The following PNKD variants were observed in gnomAD, a reference collection of about 807,000 sequenced individuals.
PNKD encodes the protein probable thioesterase PNKD.
PNKD carries 36 observed loss-of-function variants against 45.3 expected under a neutral mutation model. That is an observed-to-expected ratio of 0.80 (90% CI 0.61 to 1.05). The LOEUF (loss-of-function observed/expected upper bound fraction) is 1.05. Among genes scored for constraint, PNKD ranks in the 50% least tolerant of loss-of-function variants. The pLI, the probability that PNKD is intolerant of heterozygous loss-of-function variation, is 0.00. For synonymous variants in PNKD, 197 were observed against 210.1 expected, an observed-to-expected ratio of 0.94 and a Z score of 0.54; for missense variants, 511 against 506.6, an observed-to-expected ratio of 1.01 and a Z score of -0.08.
Position 218,271,512 on chromosome 2 carries a change from AG to A in PNKD, c.203del (p.Gly68AlafsTer5). 6.2e-7 allele frequency: 1 copy of A among 1,614,156 alleles called. No individual in the cohort carries two copies. Among genetic ancestry groups the A allele is most frequent in the Non-Finnish European group, 8.5e-7 (1 of 1,180,020 alleles). Reference sequence around the variant, plus strand: ...GGAGCTGGAATACATTCCCAGAAAGAGGGGCAAGAACCCCATGAAAGCTGTG... The same window carrying A: ...GGAGCTGGAATACATTCCCAGAAAGAGGGCAAGAACCCCATGAAAGCTGTG... ...SPELEYIPRKRGKNPMKAVGL... is the reference protein window; with the variant it reads ...SPELEYIPRKXGKNPMKAVGL... On this transcript the variant is annotated frameshift_variant, in exon 2 of 10. Transcript: ENST00000273077. LOFTEE classifies it high-confidence loss of function.
chr2:218,302,874 A>T (rs909631228), intron 2 of PNKD, among the ~76,000 whole-genome samples: 2 of 151,882 alleles, frequency 1.3e-5, no homozygotes, highest in South Asian at 2.1e-4. Context: ...AGATTTAAAA[A>T]TTTTCTGATT....
chr2:218,309,184 G>C (rs1693518894), intron 2 of PNKD, among the ~76,000 whole-genome samples: 1 of 151,960 alleles, frequency 6.6e-6, no homozygotes, highest in African/African-American at 2.4e-5. Flanking sequence ...ATTTTTCGTA[G>C]AAATGGGGTT....
intron 2 of PNKD, chr2:218,275,219 C>T (rs182481983): frequency 8.0e-6 from 3 of 373,444 alleles, no homozygotes; most frequent in Admixed American, 4.5e-5. Context: ...CAGTAGGTGG[C>T]GGGGAGAAGA....
chr2:218,341,237 C>T (rs1410475485), intron 5 of PNKD, among the ~76,000 whole-genome samples: 1 of 152,168 alleles, frequency 6.6e-6, no homozygotes, highest in Non-Finnish European at 1.5e-5. Context: ...ACAGTTGGCA[C>T]AGGGAACAGG....
At position 218,322,540 on chromosome 2, in the gene PNKD, C is replaced by A. The variant is rs116242829; in HGVS notation, c.237-17243C>A. Among the ~76,000 whole-genome samples, 687 of 152,312 alleles carry A rather than the reference C, an allele frequency of 4.5e-3. 7 individuals are homozygous for A. The highest frequency in any genetic ancestry group is 0.015 in the African/African-American group (640 of 41,570). On this transcript the variant is annotated intron_variant, in intron 2 of 9. Coordinates refer to ENST00000273077, the MANE Select transcript of PNKD (RefSeq NM_015488.5). ...TGTTGCTCCTCCAGAGCTTGTGTGGCCTCTTCCTATCCTTCAGGGCAGGAC... is the reference window on the plus strand; with the variant it reads ...TGTTGCTCCTCCAGAGCTTGTGTGGACTCTTCCTATCCTTCAGGGCAGGAC...
At position 218,271,528 on chromosome 2, in the gene PNKD, T is replaced by C; in HGVS notation, c.215T>C (p.Met72Thr). Residue 72 changes from methionine to threonine, a missense_variant, in exon 2 of 10, where the codon ATG (methionine) becomes ACG (threonine). Coordinates refer to ENST00000273077, the MANE Select transcript of PNKD (RefSeq NM_015488.5). ...CCCAGAAAGAGGGGCAAGAACCCCA[T>C]GAAAGCTGTGGGACTGGCCTGGTGA... ...YIPRKRGKNPMKAVGLAWYSL... is the reference protein window; with the variant it reads ...YIPRKRGKNPTKAVGLAWYSL... 1.2e-6 allele frequency: 2 copies of C among 1,614,178 alleles called. No homozygotes were observed. Among genetic ancestry groups the C allele is most frequent in the South Asian group, 1.1e-5 (1 of 91,088 alleles).
At chr2:218,324,322 A>T (rs1224810530) in intron 2 of PNKD, among the ~76,000 whole-genome samples, 1 of 152,214 alleles carries the variant, frequency 6.6e-6, no homozygotes, top group African/African-American at 2.4e-5. Flanking sequence ...AGCCCTGGCC[A>T]CAGGCCAGGT....
Position 218,319,943 on chromosome 2 carries a change from T to G in PNKD, c.237-19840T>G, listed in dbSNP as rs187314541. Among the ~76,000 whole-genome samples the G allele has an allele frequency of 2.1e-3, 318 of 152,344 alleles. 3 individuals carry two copies. The highest frequency in any genetic ancestry group is 7.1e-3 in the African/African-American group (295 of 41,590). On this transcript the variant is annotated intron_variant, in intron 2 of 9. Coordinates refer to ENST00000273077, the MANE Select transcript of PNKD (RefSeq NM_015488.5). ...AGAAGCTGCCTCCAATTCAGAGAACTGGGGAAGGAATGTTCCAAGGGGAGA... is the reference window on the plus strand; with the variant it reads ...AGAAGCTGCCTCCAATTCAGAGAACGGGGGAAGGAATGTTCCAAGGGGAGA...
At chr2:218,334,440 A>T (rs1326651332) in intron 2 of PNKD, among the ~76,000 whole-genome samples, 1 of 152,134 alleles carries the variant, frequency 6.6e-6, no homozygotes, top group Non-Finnish European at 1.5e-5. Context: ...TTTGAAGAGT[A>T]GAGCCTGGGC....
intron 2 of PNKD, among the ~76,000 whole-genome samples, chr2:218,338,159 C>T (rs1191966612): frequency 6.7e-6 from 1 of 148,342 alleles, no homozygotes; most frequent in Admixed American, 6.8e-5. Flanking sequence ...AACAAACAAA[C>T]AAACAAAAAT....
intron 2 of PNKD, among the ~76,000 whole-genome samples, chr2:218,284,644 C>T (rs1388677605): frequency 1.3e-5 from 2 of 152,210 alleles, no homozygotes; most frequent in Non-Finnish European, 2.9e-5. Flanking sequence ...GTTTCCAGGC[C>T]AGTCCTTCGG....
chr2:218,328,866 T>G (rs2106281407), intron 2 of PNKD, among the ~76,000 whole-genome samples: 1 of 151,878 alleles, frequency 6.6e-6, no homozygotes, highest in East Asian at 1.9e-4. Context: ...TTGCTTGTAC[T>G]GGAGTTAGGT....
At chr2:218,270,769 T>C in intron 1 of PNKD, 167 bp downstream of exon 1, 1 of 413,738 alleles carries the variant, frequency 2.4e-6, no homozygotes, top group Non-Finnish European at 4.4e-6. Context: ...ACCCAGTGCA[T>C]CCCCCCGCCT....
intron 2 of PNKD, among the ~76,000 whole-genome samples, chr2:218,330,320 A>G (rs1292921862): frequency 1.3e-5 from 2 of 152,126 alleles, no homozygotes; most frequent in African/African-American, 4.8e-5. Context: ...AAATGGCCCC[A>G]CGGAGGAGAG....
intron 2 of PNKD, among the ~76,000 whole-genome samples, chr2:218,300,330 C>T (rs1693242501): frequency 1.3e-5 from 2 of 152,126 alleles, no homozygotes; most frequent in Non-Finnish European, 2.9e-5. Context: ...CCCTTCTGAA[C>T]TCCCACACCT....
At chr2:218,322,738 T>C (rs1049718253) in intron 2 of PNKD, among the ~76,000 whole-genome samples, 7 of 152,198 alleles carry the variant, frequency 4.6e-5, no homozygotes, top group African/African-American at 1.4e-4. Flanking sequence ...CTCACTAGAT[T>C]CCGGACTGTG....
Position 218,278,715 on chromosome 2 carries a change from C to A in PNKD, c.236+7166C>A, listed in dbSNP as rs1366104051. 1.0e-5 allele frequency: 9 copies of A among 873,638 alleles called. No individual in the cohort carries two copies. The Admixed American group carries it at 1.3e-4, about 12-fold the overall frequency. The allele number at this position is 873,638 out of a possible 1,614,324, so 54.1% of individuals were successfully genotyped here. ...AAGCAAGAACGAGATTACCCCCAGC[C>A]AGGGTCACTGAGATGCTCTGAAGCA... On this transcript the variant is annotated intron_variant, in intron 2 of 9. Transcript: ENST00000273077.
intron 2 of PNKD, among the ~76,000 whole-genome samples, chr2:218,315,933 TG>T (rs1208904171): frequency 7.9e-5 from 12 of 152,356 alleles, no homozygotes; most frequent in African/African-American, 2.2e-4. Context: ...CATGCATCTG[TG>T]GGCAGGCTGA....
At chr2:218,282,261 T>A in intron 2 of PNKD, 1 of 823,462 alleles carries the variant, frequency 1.2e-6, no homozygotes, top group Non-Finnish European at 1.8e-6. Flanking sequence ...TCCAGCCTTG[T>A]CCAGGCTGCC....
Sources: gnomAD v4.1 joint callset for allele counts (sites outside exome capture counted in the v4.1 genomes callset) on GRCh38, gnomAD v4.1.1 for gene constraint, MANE v1.5 for transcripts, NCBI Gene and HGNC (gene_info 2026-07-23, HGNC 2026-07-21) for gene names.